Variants in PAFAH1B1 observed in about 807,000 individuals in gnomAD.
PAFAH1B1 encodes the protein platelet-activating factor acetylhydrolase IB subunit beta.
A neutral mutation model predicts 57.5 loss-of-function variants in PAFAH1B1; 2 were observed. The observed-to-expected ratio is 0.03, with a 90% CI of 0.01 to 0.11. PAFAH1B1 has a LOEUF of 0.11. Among genes scored for constraint, PAFAH1B1 ranks in the 10% least tolerant of loss-of-function variants. The pLI is 1.00. For missense variants in PAFAH1B1, 257 were observed against 512.0 expected (o/e 0.50, Z 4.81); for synonymous variants, 152 against 169.6 (o/e 0.90, Z 0.81).
chr17:2,665,166 TATA>T (rs1377085456), intron 2 of PAFAH1B1, among the ~76,000 whole-genome samples: 1 of 152,098 alleles, frequency 6.6e-6, no homozygotes, highest in Non-Finnish European at 1.5e-5. Flanking sequence ...TAACTAAGAA[TATA>T]ATATTATGGA....
At chr17:2,677,576 C>T (rs1480753110) in intron 9 of PAFAH1B1, among the ~76,000 whole-genome samples, 4 of 152,156 alleles carry the variant, frequency 2.6e-5, no homozygotes, top group Non-Finnish European at 5.9e-5. Context: ...AACTCTCGGC[C>T]GGGCACGGTG....
At chr17:2,603,016 A>G (rs2068162829) in intron 1 of PAFAH1B1, among the ~76,000 whole-genome samples, 1 of 152,178 alleles carries the variant, frequency 6.6e-6, no homozygotes, top group Non-Finnish European at 1.5e-5. Context: ...TTTCTAATCA[A>G]GCCCCACCTT....
At chr17:2,617,524 G>C (rs1311588061) in intron 1 of PAFAH1B1, among the ~76,000 whole-genome samples, 2 of 152,146 alleles carry the variant, frequency 1.3e-5, no homozygotes, top group Admixed American at 6.5e-5. Flanking sequence ...AAACCAACCT[G>C]ATCTCTTTTT....
chr17:2,680,671 G>A (rs2069369115), intron 10 of PAFAH1B1, among the ~76,000 whole-genome samples: 1 of 152,108 alleles, frequency 6.6e-6, no homozygotes. Flanking sequence ...ACTGGCAGGT[G>A]TATACTATCA....
At chr17:2,680,895 G>A (rs2069373797) in intron 10 of PAFAH1B1, 1 of 174,608 alleles carries the variant, frequency 5.7e-6, no homozygotes, top group African/African-American at 2.4e-5. Context: ...GCCATGCCTG[G>A]AACATCGTGT....
intron 2 of PAFAH1B1, among the ~76,000 whole-genome samples, chr17:2,661,499 C>G (rs963481839): frequency 2.6e-5 from 4 of 152,160 alleles, no homozygotes; most frequent in African/African-American, 9.7e-5. Context: ...TCTGAGGTCT[C>G]TGTTCTGTTC....
intron 2 of PAFAH1B1, among the ~76,000 whole-genome samples, chr17:2,646,618 C>A (rs1567544443): frequency 6.6e-6 from 1 of 151,998 alleles, no homozygotes; most frequent in Non-Finnish European, 1.5e-5. Context: ...CGCACTCCAG[C>A]CTGGGCAACA....
chr17:2,660,564 C>G (rs757923552), intron 2 of PAFAH1B1, among the ~76,000 whole-genome samples: 1 of 152,138 alleles, frequency 6.6e-6, no homozygotes. Context: ...TCATCCATGT[C>G]GCCACAAAGG....
At chr17:2,676,665 T>C in intron 9 of PAFAH1B1, 59 bp downstream of exon 9, 1 of 959,620 alleles carries the variant, frequency 1.0e-6, no homozygotes, top group South Asian at 1.3e-5. Context: ...CCTTTTTGGA[T>C]TAATGCTTTA....
chr17:2,641,199 G>C (rs1480369712), intron 2 of PAFAH1B1: 2 of 151,944 alleles, frequency 1.3e-5, no homozygotes, highest in African/African-American at 2.4e-5. Context: ...ACCCAGGCTG[G>C]AGTGCACAGA....
chr17:2,618,598 T>C (rs2151620766), intron 1 of PAFAH1B1, among the ~76,000 whole-genome samples: 1 of 152,212 alleles, frequency 6.6e-6, no homozygotes, highest in South Asian at 2.1e-4. Context: ...AGAAATTATT[T>C]GACTGCATTA....
chr17:2,617,344 A>G (rs1247490150), intron 1 of PAFAH1B1, among the ~76,000 whole-genome samples: 3 of 152,288 alleles, frequency 2.0e-5, no homozygotes, highest in South Asian at 2.1e-4. Flanking sequence ...ACATTTTCCT[A>G]TGTAAATTTT....
At position 2,666,052 on chromosome 17, in the gene PAFAH1B1, GA is replaced by G. The variant is rs113994198; in HGVS notation, c.162del (p.Lys54AsnfsTer15). The G allele has an allele frequency of 2.8e-5, 43 of 1,515,240 alleles. No individual in the cohort carries two copies. The highest frequency in any genetic ancestry group is 2.3e-4 in the Middle Eastern group (1 of 4,444). The allele number at this position is 1,515,240 out of a possible 1,614,324, so 93.9% of individuals were successfully genotyped here. A position where few individuals can be genotyped will look rare whatever the true frequency, so the allele number is the denominator to read the frequency against. ...ELDKKYAGLL[E>X]KKWTSVIRLQ... ...AGATAAAAAGTATGCTGGTCTTTTG[GA>G]AAAAAAATGGACATCTGTTATTAGA... On this transcript the variant is annotated frameshift_variant, in exon 4 of 11. Transcript: ENST00000397195. LOFTEE classifies it high-confidence loss of function.
chr17:2,611,349 T>TC (rs1018708220), intron 1 of PAFAH1B1, among the ~76,000 whole-genome samples: 2 of 151,850 alleles, frequency 1.3e-5, no homozygotes, highest in African/African-American at 4.8e-5. Context: ...GCGCCTGTAG[T>TC]CCCAGCTACT....
chr17:2,679,997 C>T, intron 9 of PAFAH1B1, 167 bp from the exon 10 acceptor site: 1 of 677,468 alleles, frequency 1.5e-6, no homozygotes, highest in South Asian at 1.8e-5. Flanking sequence ...ATATTCACTC[C>T]TCATGTCTTA....
intron 1 of PAFAH1B1, chr17:2,613,452 G>A (rs1315036785): frequency 2.5e-5 from 6 of 241,188 alleles, no homozygotes; most frequent in South Asian, 1.2e-4. Context: ...TCTGGGGCCC[G>A]CAGTGTTGGT....
intron 2 of PAFAH1B1, among the ~76,000 whole-genome samples, chr17:2,645,549 C>T (rs1440796024): frequency 6.7e-6 from 1 of 150,310 alleles, no homozygotes; most frequent in East Asian, 2.0e-4. Flanking sequence ...GCCGAGATCG[C>T]ACCACTGCAC....
At chr17:2,654,101 C>T (rs2068904312) in intron 2 of PAFAH1B1, among the ~76,000 whole-genome samples, 2 of 151,624 alleles carry the variant, frequency 1.3e-5, no homozygotes, top group African/African-American at 4.8e-5. Context: ...GCCACCATGC[C>T]CGGCCAGTCA....
intron 2 of PAFAH1B1, among the ~76,000 whole-genome samples, chr17:2,660,756 G>T (rs781114731): frequency 4.6e-5 from 7 of 152,066 alleles, no homozygotes; most frequent in Non-Finnish European, 1.0e-4. Flanking sequence ...TATTCCTTTG[G>T]GTATATACCC....
Sources: allele counts gnomAD v4.1 joint callset (sites outside exome capture counted in the v4.1 genomes callset), GRCh38; gene constraint gnomAD v4.1.1; transcripts MANE v1.5; gene names NCBI Gene and HGNC (gene_info 2026-07-23, HGNC 2026-07-21).